The following TNS1 variants were observed in gnomAD, a reference collection of about 807,000 sequenced individuals.
TNS1 encodes tensin 1.
Under a neutral mutation model 168.6 loss-of-function variants are expected in TNS1, and 62 were observed. That is an observed-to-expected ratio of 0.37 (90% confidence interval 0.30 to 0.45). The LOEUF (loss-of-function observed/expected upper bound fraction) is 0.45, where lower values mean the gene tolerates loss of function less well. Among genes scored for constraint, TNS1 ranks in the 20% least tolerant of loss-of-function variants. The probability of loss-of-function intolerance (pLI) is 1.00; values close to 1 mark genes in which losing one functional copy is unlikely to be tolerated. For synonymous variants in TNS1, 934 were observed against 933.2 expected (o/e 1.00, Z -0.02); for missense variants, 2,240 against 2,339.4 (o/e 0.96, Z 0.88).
intron 28 of TNS1, among the ~76,000 whole-genome samples, chr2:217,810,751 A>G (rs1363822305): frequency 1.3e-5 from 2 of 152,246 alleles, no homozygotes; most frequent in Admixed American, 1.3e-4. Context: ...CCCCTAATTC[A>G]TTAAACCATT....
At chr2:217,971,241 C>A (rs935270468) in intron 3 of TNS1, among the ~76,000 whole-genome samples, 2 of 152,238 alleles carry the variant, frequency 1.3e-5, no homozygotes, top group Non-Finnish European at 1.5e-5. Flanking sequence ...AATCTCCCCA[C>A]CACTCCCAAC....
intron 3 of TNS1, among the ~76,000 whole-genome samples, chr2:217,929,909 C>T (rs1480656067): frequency 6.6e-6 from 1 of 152,216 alleles, no homozygotes; most frequent in Non-Finnish European, 1.5e-5. Context: ...GCCTTGTCCC[C>T]TCCACCCCAT....
chr2:217,907,775 C>T (rs1422829676), intron 4 of TNS1, among the ~76,000 whole-genome samples: 2 of 152,216 alleles, frequency 1.3e-5, no homozygotes, highest in Non-Finnish European at 2.9e-5. Flanking sequence ...AGTGGGCTTT[C>T]AGGCCACCCA....
intron 6 of TNS1, among the ~76,000 whole-genome samples, chr2:217,902,611 C>G (rs918202843): frequency 2.6e-5 from 4 of 152,110 alleles, no homozygotes; most frequent in African/African-American, 9.7e-5. Flanking sequence ...CCTCAGCCTC[C>G]CCACCCCAAA....
chr2:217,975,272 G>A (rs548494782), intron 3 of TNS1, among the ~76,000 whole-genome samples: 1 of 152,120 alleles, frequency 6.6e-6, no homozygotes, highest in Non-Finnish European at 1.5e-5. Context: ...GCAACCCCAT[G>A]AGAGACCCCT....
upstream of TNS1, among the ~76,000 whole-genome samples, chr2:218,005,455 T>G (rs901772520): frequency 6.6e-6 from 1 of 152,238 alleles, no homozygotes; most frequent in Non-Finnish European, 1.5e-5. Flanking sequence ...GGGTCTCTCC[T>G]GTATATTAAT....
intron 3 of TNS1, among the ~76,000 whole-genome samples, chr2:217,950,483 G>T (rs1040292828): frequency 6.6e-6 from 1 of 152,070 alleles, no homozygotes; most frequent in Non-Finnish European, 1.5e-5. Context: ...GCCACACCCC[G>T]AGAGCTGACC....
rs770990423 is a variant in TNS1, at chr2:217,886,121, G to A, written c.980-17C>T. The A allele has an allele frequency of 2.1e-5, 34 of 1,613,766 alleles. 1 individual carries two copies. The highest frequency in any genetic ancestry group is 2.9e-5 in the Non-Finnish European group (34 of 1,179,956). On this transcript the variant is annotated splice_polypyrimidine_tract_variant and intron_variant, in intron 13 of 32. Transcript: ENST00000682258. ...GCCGACATCCTGTAAAAGTGGGGTG[G>A]GTGTTAGCTAAGACAGCAGAAACTG...
intron 1 of TNS1, among the ~76,000 whole-genome samples, chr2:217,998,709 G>A (rs12474244): frequency 2.0e-5 from 3 of 152,104 alleles, no homozygotes; most frequent in Admixed American, 6.5e-5. Context: ...TATGTTGCTC[G>A]GGCCAGTCTT....
chr2:217,835,262 GC>G (rs1945010153), intron 20 of TNS1, 96 bp from the exon 21 acceptor site: 1 of 1,160,348 alleles, frequency 8.6e-7, no homozygotes, highest in Non-Finnish European at 1.2e-6. Flanking sequence ...GAGTTAACCA[GC>G]CCCCACATCC....
At chr2:217,903,861 A>T (rs879914078) in intron 6 of TNS1, 9 of 480,804 alleles carry the variant, frequency 1.9e-5, no homozygotes, top group Non-Finnish European at 3.3e-5. Flanking sequence ...CTTCCCCGTC[A>T]TGAGGCAAGG....
chr2:217,811,908 T>C (rs1940986673), intron 28 of TNS1, among the ~76,000 whole-genome samples: 1 of 152,152 alleles, frequency 6.6e-6, no homozygotes, highest in Admixed American at 6.5e-5. Context: ...AGCACACAGA[T>C]TAGAAAGTCT....
intron 18 of TNS1, chr2:217,850,430 C>A (rs1418229224): frequency 3.0e-6 from 3 of 985,056 alleles, no homozygotes; most frequent in South Asian, 4.7e-5. Context: ...CTCTGAGGAC[C>A]CCCCTGAGCA....
intron 22 of TNS1, chr2:217,829,885 G>A (rs1574673088): frequency 1.2e-6 from 2 of 1,613,912 alleles, no homozygotes; most frequent in Non-Finnish European, 1.7e-6. Context: ...ATCTTCCTCT[G>A]AGGGAAGACG....
At chr2:218,021,541 G>A (rs1023571530) in intron 1 of TNS1, among the ~76,000 whole-genome samples, 17 of 152,340 alleles carry the variant, frequency 1.1e-4, no homozygotes, top group Non-Finnish European at 1.9e-4. Context: ...ATCCAGTCTC[G>A]TGGTCTGCAC....
At chr2:218,005,174 G>A (rs777288939), upstream of TNS1, among the ~76,000 whole-genome samples, 5 of 152,230 alleles carry the variant, frequency 3.3e-5, no homozygotes, top group Non-Finnish European at 5.9e-5. Context: ...GCCCTTCACT[G>A]CTGGCGTCAC....
intron 18 of TNS1, among the ~76,000 whole-genome samples, chr2:217,852,072 G>A (rs1574815485): frequency 2.0e-5 from 3 of 152,306 alleles, no homozygotes; most frequent in East Asian, 3.9e-4. Flanking sequence ...TTGAACCTGG[G>A]AGGCAGAGGT....
chr2:218,003,040 C>T (rs549958437), upstream of TNS1: 157 of 414,164 alleles, frequency 3.8e-4, 1 homozygote, highest in African/African-American at 2.9e-3. Flanking sequence ...CTCCCTCCTC[C>T]TCCTCCTCCC....
chr2:217,850,973 C>G (rs1435540018), intron 18 of TNS1, among the ~76,000 whole-genome samples: 1 of 152,210 alleles, frequency 6.6e-6, no homozygotes, highest in African/African-American at 2.4e-5. Flanking sequence ...AGTATTACAC[C>G]CATCACAGTA....
Sources: allele counts gnomAD v4.1 joint callset (sites outside exome capture counted in the v4.1 genomes callset), GRCh38; gene constraint gnomAD v4.1.1; transcripts MANE v1.5; gene names NCBI Gene and HGNC (gene_info 2026-07-23, HGNC 2026-07-21).